Variants in LAMA3 observed in about 807,000 individuals in gnomAD.
LAMA3 encodes laminin subunit alpha 3, also known as laminin subunit alpha-3.
LAMA3 carries 281 observed loss-of-function variants against 402.0 expected under a neutral mutation model. The observed-to-expected ratio is 0.70, with a 90% confidence interval of 0.63 to 0.77. The LOEUF is 0.77. Among genes scored for constraint, LAMA3 ranks in the 30% least tolerant of loss-of-function variants. LAMA3 has a pLI of 0.00. For synonymous variants in LAMA3, 1,431 were observed against 1,558.4 expected (o/e 0.92, Z 1.93); for missense variants, 3,840 against 4,215.5 (o/e 0.91, Z 2.47).
intron 2 of LAMA3, 122 bp from the exon 3 acceptor site, chr18:23,747,821 G>A (rs546125206): frequency 4.1e-6 from 3 of 727,688 alleles, no homozygotes; most frequent in Admixed American, 1.9e-5. Flanking sequence ...AATCAGGATC[G>A]GGATCTTGAG....
At chr18:23,788,645 G>C (rs1035884696) in intron 12 of LAMA3, among the ~76,000 whole-genome samples, 6 of 151,868 alleles carry the variant, frequency 4.0e-5, no homozygotes, top group East Asian at 1.9e-4. Context: ...CTAAACGTAA[G>C]AGCTAAAACT....
chr18:23,891,634 G>A (rs2080669027), intron 42 of LAMA3, among the ~76,000 whole-genome samples: 1 of 152,192 alleles, frequency 6.6e-6, no homozygotes, highest in African/African-American at 2.4e-5. Context: ...TGATGTTAAG[G>A]ATAAGGGTGT....
At chr18:23,707,141 T>C (rs977877645) in intron 1 of LAMA3, among the ~76,000 whole-genome samples, 1 of 152,234 alleles carries the variant, frequency 6.6e-6, no homozygotes, top group Non-Finnish European at 1.5e-5. Context: ...TGGGTTCAGC[T>C]GGTTGATTCT....
rs1568355626 is a variant in LAMA3, at chr18:23,928,245, G to A, written c.8295+5G>A. 6.3e-7 allele frequency: 1 copy of A among 1,576,068 alleles called. No homozygotes were observed. Reference sequence around the variant, plus strand: ...AAGTGCTCGGAAGACTGGAAGGTAAGTGAAAGTTCAGAACCTCGTGAAGGA... The same window carrying A: ...AAGTGCTCGGAAGACTGGAAGGTAAATGAAAGTTCAGAACCTCGTGAAGGA... On this transcript the variant is annotated splice_donor_5th_base_variant and intron_variant, in intron 63 of 74. Coordinates refer to ENST00000313654, the MANE Select transcript of LAMA3 (RefSeq NM_198129.4).
rs970773611 is a variant in LAMA3 at position 23,954,920 on chromosome 18, T to G, written c.*272T>G. On this transcript the variant is annotated 3_prime_UTR_variant, in exon 75 of 75. Coordinates refer to ENST00000313654, the MANE Select transcript of LAMA3 (RefSeq NM_198129.4). ...TGTTTTTGGTAATATTAATTTCCAC[T>G]AAAAAATTAAATGTCTTTTAAGAAA... is the stretch of plus-strand genomic sequence containing the variant. The G allele has an allele frequency of 9.6e-6, 4 of 414,980 alleles. No homozygotes were observed. Among genetic ancestry groups the G allele is most frequent in the Non-Finnish European group, 1.8e-5 (4 of 228,272 alleles). The allele number at this position is 414,980 out of a possible 1,614,324, so 25.7% of individuals were successfully genotyped here.
intron 8 of LAMA3, among the ~76,000 whole-genome samples, chr18:23,766,560 G>A (rs912446067): frequency 6.6e-6 from 1 of 152,146 alleles, no homozygotes; most frequent in Admixed American, 6.6e-5. Context: ...ATTCTTGGCT[G>A]GGCGTGGTGG....
chr18:23,752,495 A>C (rs188206264), intron 5 of LAMA3, among the ~76,000 whole-genome samples: 2 of 152,280 alleles, frequency 1.3e-5, no homozygotes, highest in Admixed American at 6.5e-5. Context: ...TCATGGAGGA[A>C]TATAATACCA....
intron 21 of LAMA3, 65 bp downstream of exon 21, chr18:23,824,630 C>T: frequency 6.5e-7 from 1 of 1,528,542 alleles, no homozygotes; most frequent in Non-Finnish European, 9.1e-7. Context: ...TGGTTCCATC[C>T]AAGACTACAA....
rs145159456 is a variant in LAMA3 at position 23,882,013 on chromosome 18, C to G, written c.5190C>G (p.Ser1730=). 5.0e-6 allele frequency: 8 copies of G among 1,613,652 alleles called. No homozygotes were observed. In the African/African-American group the frequency reaches 9.3e-5, roughly 19 times the overall value. ...EGYYGNAVHG[S]CRACPCPHTN... is the part of the protein sequence containing the mutation. ...ACTATGGCAACGCCGTCCACGGATCCTGCAGGGCCTGCCCATGTCCTCACA... is the reference window on the plus strand; with the variant it reads ...ACTATGGCAACGCCGTCCACGGATCGTGCAGGGCCTGCCCATGTCCTCACA... The change falls in exon 40 of 75, where the codon TCC becomes TCG. Residue 1730 remains serine, a synonymous_variant. Transcript: ENST00000313654.
chr18:23,694,032 A>C (rs895985867), intron 1 of LAMA3, among the ~76,000 whole-genome samples: 1 of 152,158 alleles, frequency 6.6e-6, no homozygotes, highest in African/African-American at 2.4e-5. Context: ...TGTTTGAATG[A>C]GGTCATAGGA....
Position 23,860,854 on chromosome 18 carries a change from C to T in LAMA3, c.4423-792C>T, listed in dbSNP as rs144098520. On this transcript the variant is annotated intron_variant, in intron 34 of 74. Coordinates refer to ENST00000313654, the MANE Select transcript of LAMA3 (RefSeq NM_198129.4). ...AATTACAGGCATGCCCCACCACACC[C>T]GGCTAATTTTTATATGTAATAGAAA... is the stretch of plus-strand genomic sequence containing the variant. 2.0e-4 allele frequency among the ~76,000 whole-genome samples: 31 copies of T among 151,876 alleles called. No individual in the cohort carries two copies. In the East Asian group the frequency reaches 4.7e-3, roughly 23 times the overall value.
In LAMA3 at chr18:23,689,836, C is replaced by G. The variant is rs2060544902; in HGVS notation, c.153C>G (p.Tyr51Ter). ...AAAGLSLHPT[Y>*]FNLAEAARIW... The stretch of plus-strand genomic sequence containing the variant: ...CCGGGCTCAGCCTTCACCCGACTTA[C>G]TTCAACCTGGCCGAGGCGGCGAGGA... The change falls in exon 1 of 75, where the codon TAC (tyrosine) becomes TAG (stop). Residue 51 changes from tyrosine (Y) to a stop codon, truncating the protein, a stop_gained. Coordinates refer to ENST00000313654, the MANE Select transcript of LAMA3 (RefSeq NM_198129.4). LOFTEE classifies it high-confidence loss of function. The G allele has an allele frequency of 6.4e-7, 1 of 1,553,564 alleles. No individual in the cohort carries two copies. Among genetic ancestry groups the G allele is most frequent in the Non-Finnish European group, 8.7e-7 (1 of 1,149,182 alleles).
At chr18:23,923,469 G>A (rs2081911078) in intron 62 of LAMA3, among the ~76,000 whole-genome samples, 1 of 152,208 alleles carries the variant, frequency 6.6e-6, no homozygotes, top group South Asian at 2.1e-4. Flanking sequence ...AATGGCTTGG[G>A]TTGGGGAATA....
intron 16 of LAMA3, 97 bp from the exon 17 acceptor site, chr18:23,815,362 CCTGGCTACA>C (rs1450450565): frequency 7.4e-7 from 1 of 1,346,344 alleles, no homozygotes; most frequent in East Asian, 2.3e-5. Context: ...CTTTCCAGAT[CCTGGCTACA>C]CTGCTTCCTA....
At chr18:23,793,988 A>T (rs2062713409) in intron 12 of LAMA3, among the ~76,000 whole-genome samples, 1 of 152,256 alleles carries the variant, frequency 6.6e-6, no homozygotes, top group Non-Finnish European at 1.5e-5. Context: ...CTGGTTTATT[A>T]TAAAAGATGT....
Position 23,882,064 on chromosome 18 carries a change from A to G in LAMA3, c.5222+19A>G. The G allele has an allele frequency of 1.3e-6, 2 of 1,574,846 alleles. No homozygotes were observed. The highest frequency in any genetic ancestry group is 1.7e-6 in the Non-Finnish European group (2 of 1,144,720). ...CTAACAGGTACCGTAGCAGCTTGAC[A>G]TAACCTACAGGGACCCAAAGTCGTT... On this transcript the variant is annotated intron_variant, in intron 40 of 74. Coordinates refer to ENST00000313654, the MANE Select transcript of LAMA3 (RefSeq NM_198129.4).
At position 23,936,305 on chromosome 18, in the gene LAMA3, T is replaced by C. The variant is rs368094877; in HGVS notation, c.8862+2370T>C. ...GCACAACGTGCAGGTTTGTTACATA[T>C]GTATACATGTGTCATGTTGGTGTGC... is the stretch of plus-strand genomic sequence containing the variant. On this transcript the variant is annotated intron_variant, in intron 67 of 74. Transcript: ENST00000313654. 8.1e-4 allele frequency among the ~76,000 whole-genome samples: 123 copies of C among 152,050 alleles called. 4 individuals are homozygous for C. In the South Asian group the frequency reaches 0.024, roughly 29 times the overall value.
intron 17 of LAMA3, 108 bp from the exon 18 acceptor site, chr18:23,816,280 C>A (rs2063173906): frequency 2.5e-6 from 2 of 801,246 alleles, no homozygotes; most frequent in African/African-American, 1.7e-5. Context: ...GGAAAGAAGG[C>A]AGGCACTGTG....
At chr18:23,706,073 A>C (rs887434545) in intron 1 of LAMA3, among the ~76,000 whole-genome samples, 5 of 152,200 alleles carry the variant, frequency 3.3e-5, no homozygotes, top group African/African-American at 1.2e-4. Flanking sequence ...TATAAAAAGT[A>C]TATCATGCTT....
Sources: gnomAD v4.1 joint callset for allele counts (sites outside exome capture counted in the v4.1 genomes callset) on GRCh38, gnomAD v4.1.1 for gene constraint, MANE v1.5 for transcripts, NCBI Gene and HGNC (gene_info 2026-07-23, HGNC 2026-07-21) for gene names.